The following CBFB variants were observed in gnomAD, a reference collection of about 807,000 sequenced individuals.
CBFB encodes the protein CBF-beta.
A neutral mutation model predicts 30.4 loss-of-function variants in CBFB; 9 were observed. The ratio of observed to expected loss-of-function variants is 0.30; its 90% CI spans 0.18 to 0.52. The LOEUF is 0.52. Ranked by LOEUF, CBFB falls within the 20% of genes least tolerant of loss-of-function variation. The pLI, the probability that CBFB is intolerant of heterozygous loss-of-function variation, is 0.97. For missense variants in CBFB, 170 were observed against 244.0 expected, an observed-to-expected ratio of 0.70 and a Z score of 2.02; for synonymous variants, 94 against 84.0, an observed-to-expected ratio of 1.12 and a Z score of -0.65.
intron 3 of CBFB, among the ~76,000 whole-genome samples, chr16:67,046,986 T>C (rs1319114132): frequency 6.6e-6 from 1 of 152,022 alleles, no homozygotes; most frequent in Admixed American, 6.6e-5. Context: ...CCTCCTCAAA[T>C]TGATGTGTGT....
intron 3 of CBFB, among the ~76,000 whole-genome samples, chr16:67,049,261 T>C (rs1966693891): frequency 1.3e-5 from 2 of 152,162 alleles, no homozygotes; most frequent in African/African-American, 4.8e-5. Flanking sequence ...TGGAGTGCAG[T>C]GGCGCAATCT....
Position 67,064,778 on chromosome 16 carries a change from T to G in CBFB, c.283-1904T>G, listed in dbSNP as rs183622276. ...TAAAGCAATTTTTATTCTAGAGTTA[T>G]TTATTTACTTGAAAAAGAATGGTGC... On this transcript the variant is annotated intron_variant, in intron 3 of 5. Transcript: ENST00000412916. Among the ~76,000 whole-genome samples the G allele has an allele frequency of 3.2e-4, 48 of 152,346 alleles. No individual in the cohort carries two copies. The East Asian group carries it at 6.4e-3, about 20-fold the overall frequency.
At chr16:67,060,226 A>G (rs560115635) in intron 3 of CBFB, among the ~76,000 whole-genome samples, 35 of 152,160 alleles carry the variant, frequency 2.3e-4, no homozygotes, top group South Asian at 1.0e-3. Flanking sequence ...CAGTCCTCCC[A>G]AAGTATGCTA....
In CBFB at chr16:67,098,727, C is replaced by T; in HGVS notation, c.513C>T (p.Asp171=). 2 of 1,609,848 alleles carry T rather than the reference C, an allele frequency of 1.2e-6. No homozygotes were observed. The highest frequency in any genetic ancestry group is 1.7e-6 in the Non-Finnish European group (2 of 1,176,294). ...REEMEARRQQ[D]PSPGSNLGGG... is the part of the protein sequence containing the mutation. The stretch of plus-strand genomic sequence containing the variant: ...CATTGCAGGCAAGAAGACAACAAGA[C>T]CCTAGTCCTGGTTCCAATTTAGGTG... Residue 171 remains aspartate (D), a synonymous_variant, in exon 6 of 6, where the codon GAC becomes GAT. Coordinates refer to ENST00000412916, the MANE Select transcript of CBFB (RefSeq NM_022845.3).
rs187342242 is a variant in CBFB at position 67,073,842 on chromosome 16, C to T, written c.399+7044C>T. ...CCTGAGGTAAGGAGTTCGAGACCAGCCTGGCCAACATGGTGAAACCCGTCT... is the reference window on the plus strand; with the variant it reads ...CCTGAGGTAAGGAGTTCGAGACCAGTCTGGCCAACATGGTGAAACCCGTCT... On this transcript the variant is annotated intron_variant, in intron 4 of 5. Transcript: ENST00000412916. Among the ~76,000 whole-genome samples, 332 of 151,904 alleles carry T rather than the reference C, an allele frequency of 2.2e-3. 1 individual carries two copies. The highest frequency in any genetic ancestry group is 7.4e-3 in the African/African-American group (307 of 41,452).
At chr16:67,057,062 A>G (rs958290456) in intron 3 of CBFB, among the ~76,000 whole-genome samples, 1 of 150,496 alleles carries the variant, frequency 6.6e-6, no homozygotes, top group Non-Finnish European at 1.5e-5. Context: ...GGCTCACTGC[A>G]ACCTTTGCCT....
intron 5 of CBFB, among the ~76,000 whole-genome samples, chr16:67,084,675 C>G (rs890285084): frequency 2.0e-5 from 3 of 151,968 alleles, no homozygotes; most frequent in African/African-American, 7.3e-5. Flanking sequence ...GTTTTTAAGT[C>G]AATGTTACAT....
rs777213321 is a variant in CBFB at position 67,092,698 on chromosome 16, CTTTTTTTTTTTTTTTTTT to C, written c.496-5997_496-5980del. Among the ~76,000 whole-genome samples the C allele has an allele frequency of 6.3e-4, 21 of 33,492 alleles. 1 individual carries two copies. Among genetic ancestry groups the C allele is most frequent in the African/African-American group, 2.3e-3 (20 of 8,688 alleles). The allele number at this position is 33,492 out of a possible 152,430, so 22.0% of individuals were successfully genotyped here. On this transcript the variant is annotated intron_variant, in intron 5 of 5. Transcript: ENST00000412916. The stretch of plus-strand genomic sequence containing the variant: ...CCAGGCTAGGTTACAGTGGTGCAAT[CTTTTTTTTTTTTTTTTTT>C]TTTTTTTTTTTTTTGAGATAAAGTT...
At chr16:67,082,467 T>TA in intron 5 of CBFB, 159 bp downstream of exon 5, 1 of 737,562 alleles carries the variant, frequency 1.4e-6, no homozygotes, top group Non-Finnish European at 2.0e-6. Flanking sequence ...TTAAATGTAA[T>TA]TGCTATAAAG....
intron 4 of CBFB, among the ~76,000 whole-genome samples, chr16:67,072,712 C>T (rs936521467): frequency 4.0e-5 from 6 of 151,122 alleles, no homozygotes; most frequent in African/African-American, 1.5e-4. Flanking sequence ...GTGATCTGCC[C>T]GCCTCAGCCT....
chr16:67,100,984 C>T lies in CBFB; in HGVS notation c.*2206C>T, dbSNP rs1363882113. The stretch of plus-strand genomic sequence containing the variant: ...AAACTTGCCTTAAGCTACCAGATTG[C>T]TTTTGCCACCATTGGCCATACTGTG... On this transcript the variant is annotated 3_prime_UTR_variant, in exon 6 of 6. Coordinates refer to ENST00000412916, the MANE Select transcript of CBFB (RefSeq NM_022845.3). The T allele has an allele frequency of 5.4e-6, 1 of 186,348 alleles. No homozygotes were observed. The highest frequency in any genetic ancestry group is 1.1e-5 in the Non-Finnish European group (1 of 87,834). The allele number at this position is 186,348 out of a possible 1,614,324, so 11.5% of individuals were successfully genotyped here. A position where few individuals can be genotyped will look rare whatever the true frequency, so the allele number is the denominator to read the frequency against.
chr16:67,038,225 T>A (rs1467002661), intron 3 of CBFB, among the ~76,000 whole-genome samples: 1 of 151,982 alleles, frequency 6.6e-6, no homozygotes, highest in East Asian at 1.9e-4. Flanking sequence ...GCCACATTTA[T>A]GTAAAATGTG....
chr16:67,077,110 T>C (rs950689513), intron 4 of CBFB, among the ~76,000 whole-genome samples: 6 of 152,236 alleles, frequency 3.9e-5, no homozygotes, highest in Non-Finnish European at 7.3e-5. Flanking sequence ...TATTTTCTTA[T>C]ACAATATGTG....
intron 4 of CBFB, among the ~76,000 whole-genome samples, chr16:67,070,683 C>T (rs1030676672): frequency 6.7e-6 from 1 of 149,922 alleles, no homozygotes; most frequent in African/African-American, 2.5e-5. Context: ...AACCCTGTCT[C>T]TACCAAAAAA....
chr16:67,051,516 C>A (rs1378355972), intron 3 of CBFB, among the ~76,000 whole-genome samples: 1 of 151,146 alleles, frequency 6.6e-6, no homozygotes, highest in African/African-American at 2.4e-5. Flanking sequence ...ATATATGGAT[C>A]CAGTTTTATA....
At chr16:67,059,722 G>A (rs1052533428) in intron 3 of CBFB, among the ~76,000 whole-genome samples, 3 of 152,064 alleles carry the variant, frequency 2.0e-5, no homozygotes, top group African/African-American at 4.8e-5. Context: ...CTAAAAGTTG[G>A]ACTTGCTCCA....
rs947675364 is a variant in CBFB, at chr16:67,053,619, C to T, written c.283-13063C>T. Among the ~76,000 whole-genome samples, 4 of 151,826 alleles carry T rather than the reference C, an allele frequency of 2.6e-5. No individual in the cohort carries two copies. The East Asian group carries it at 7.7e-4, about 29-fold the overall frequency. ...CTGAACAGAATCTTAGGGTCAAGTCCGGATTCAGCTTCCCTGTGAATTTTT... is the reference window on the plus strand; with the variant it reads ...CTGAACAGAATCTTAGGGTCAAGTCTGGATTCAGCTTCCCTGTGAATTTTT... On this transcript the variant is annotated intron_variant, in intron 3 of 5. Transcript: ENST00000412916.
Position 67,049,751 on chromosome 16 carries a change from A to G in CBFB, c.282+12996A>G, listed in dbSNP as rs114739030. Among the ~76,000 whole-genome samples, 382 of 152,266 alleles carry G rather than the reference A, an allele frequency of 2.5e-3. 3 individuals are homozygous for G. Among genetic ancestry groups the G allele is most frequent in the African/African-American group, 8.7e-3 (361 of 41,550 alleles). On this transcript the variant is annotated intron_variant, in intron 3 of 5. Transcript: ENST00000412916. ...AGTGATCCTTCCACTTTGGCCTCCCATGAACCATTTTAAATGCTTTTTGAG... is the reference window on the plus strand; with the variant it reads ...AGTGATCCTTCCACTTTGGCCTCCCGTGAACCATTTTAAATGCTTTTTGAG...
At chr16:67,036,377 C>T (rs1416150823) in intron 2 of CBFB, 2 of 379,738 alleles carry the variant, frequency 5.3e-6, no homozygotes, top group African/African-American at 4.1e-5. Context: ...ATCCTAACGT[C>T]AGCAAAAAAT....
Sources: allele counts gnomAD v4.1 joint callset (sites outside exome capture counted in the v4.1 genomes callset), GRCh38; gene constraint gnomAD v4.1.1; transcripts MANE v1.5; gene names NCBI Gene and HGNC (gene_info 2026-07-23, HGNC 2026-07-21).